SLC25A21: variants seen among roughly 807,000 people sequenced by gnomAD.
SLC25A21 encodes solute carrier family 25 member 21.
A neutral mutation model predicts 43.8 loss-of-function variants in SLC25A21; 47 were observed. That is an observed-to-expected ratio of 1.07 (90% CI 0.85 to 1.37). SLC25A21 has a LOEUF of 1.37. Ranked by LOEUF, SLC25A21 falls within the 40% of genes most tolerant of loss-of-function variation. The pLI, the probability that SLC25A21 is intolerant of heterozygous loss-of-function variation, is 0.00. For synonymous variants in SLC25A21, 131 were observed against 121.3 expected, an observed-to-expected ratio of 1.08 and a Z score of -0.52; for missense variants, 352 against 350.2, an observed-to-expected ratio of 1.00 and a Z score of -0.04.
At position 36,936,879 on chromosome 14, in the gene SLC25A21, G is replaced by A. The variant is rs372231750; in HGVS notation, c.71-61875C>T. On this transcript the variant is annotated intron_variant, in intron 1 of 9. Coordinates refer to ENST00000331299, the MANE Select transcript of SLC25A21 (RefSeq NM_030631.4). ...AATCCCCACACAGGAGGAGATCAAT[G>A]CACAATGCTGTCCCTTCACTTTGCT... Among the ~76,000 whole-genome samples, 14 of 152,276 alleles carry A rather than the reference G, an allele frequency of 9.2e-5. No individual in the cohort carries two copies. In the South Asian group the frequency reaches 2.9e-3, roughly 32 times the overall value.
chr14:37,091,771 A>C (rs1224084924), intron 1 of SLC25A21, among the ~76,000 whole-genome samples: 2 of 152,190 alleles, frequency 1.3e-5, no homozygotes, highest in Non-Finnish European at 2.9e-5. Context: ...AACTGTGTCT[A>C]CATTCATACA....
rs150250286 is a variant in SLC25A21 at position 36,814,163 on chromosome 14, T to C, written c.120-162A>G. 3.0e-3 allele frequency among the ~76,000 whole-genome samples: 458 copies of C among 152,370 alleles called. 3 individuals carry two copies. Among genetic ancestry groups the C allele is most frequent in the African/African-American group, 9.7e-3 (405 of 41,600 alleles). On this transcript the variant is annotated intron_variant, in intron 2 of 9. Coordinates refer to ENST00000331299, the MANE Select transcript of SLC25A21 (RefSeq NM_030631.4). ...TTAGCCTTATATAATCTTTACCTTA[T>C]TTTCATAGTCTTTAAAATTACATTT... is the stretch of plus-strand genomic sequence containing the variant.
intron 1 of SLC25A21, among the ~76,000 whole-genome samples, chr14:37,168,171 C>A (rs776427892): frequency 1.3e-5 from 2 of 152,008 alleles, no homozygotes; most frequent in Non-Finnish European, 2.9e-5. Context: ...AGGGTCTGAT[C>A]CAGTAACCTC....
At chr14:37,039,449 C>T (rs1471043181) in intron 1 of SLC25A21, among the ~76,000 whole-genome samples, 5 of 152,330 alleles carry the variant, frequency 3.3e-5, no homozygotes, top group Middle Eastern at 3.4e-3. Flanking sequence ...TAGGCAACCA[C>T]TGATCAGCTT....
intron 7 of SLC25A21, among the ~76,000 whole-genome samples, chr14:36,696,960 T>G (rs761295446): frequency 6.6e-6 from 1 of 152,202 alleles, no homozygotes; most frequent in Non-Finnish European, 1.5e-5. Context: ...AGCTTTCGAA[T>G]GTGTTTGCTC....
chr14:36,978,064 G>C (rs1386560875), intron 1 of SLC25A21, among the ~76,000 whole-genome samples: 2 of 151,840 alleles, frequency 1.3e-5, no homozygotes, highest in East Asian at 3.9e-4. Flanking sequence ...ATAAAATCAA[G>C]ATGTGATTAT....
intron 2 of SLC25A21, among the ~76,000 whole-genome samples, chr14:36,834,133 A>G (rs568911199): frequency 2.6e-5 from 4 of 152,340 alleles, no homozygotes; most frequent in African/African-American, 9.6e-5. Context: ...ATAGCAACCT[A>G]AGAATATAGT....
Position 37,046,534 on chromosome 14 carries a change from C to T in SLC25A21, c.70+125747G>A, listed in dbSNP as rs929512883. Among the ~76,000 whole-genome samples the T allele has an allele frequency of 5.3e-5, 8 of 151,930 alleles. 1 individual carries two copies. Among genetic ancestry groups the T allele is most frequent in the Non-Finnish European group, 1.0e-4 (7 of 67,976 alleles). On this transcript the variant is annotated intron_variant, in intron 1 of 9. Coordinates refer to ENST00000331299, the MANE Select transcript of SLC25A21 (RefSeq NM_030631.4). ...TTGATTTGGAAATTTTGTTAAATAC[C>T]ACTCCCTACGGTCATGTTGATAATA... is the stretch of plus-strand genomic sequence containing the variant.
intron 1 of SLC25A21, among the ~76,000 whole-genome samples, chr14:37,022,932 CTG>C (rs1482809834): frequency 6.6e-6 from 1 of 151,984 alleles, no homozygotes; most frequent in Non-Finnish European, 1.5e-5. Context: ...AATTATTTAA[CTG>C]AAGGAGGTTT....
At chr14:36,803,157 A>G (rs1387034424) in intron 3 of SLC25A21, among the ~76,000 whole-genome samples, 1 of 152,182 alleles carries the variant, frequency 6.6e-6, no homozygotes, top group Non-Finnish European at 1.5e-5. Context: ...GATTCTGTGG[A>G]AAAAGATAGA....
At chr14:36,919,032 G>T (rs1891905618) in intron 1 of SLC25A21, among the ~76,000 whole-genome samples, 1 of 151,898 alleles carries the variant, frequency 6.6e-6, no homozygotes, top group African/African-American at 2.4e-5. Context: ...GATCAAAACT[G>T]AGATTTCATG....
chr14:36,980,416 C>A (rs1024937633), intron 1 of SLC25A21, among the ~76,000 whole-genome samples: 7 of 152,194 alleles, frequency 4.6e-5, no homozygotes, highest in Non-Finnish European at 1.0e-4. Flanking sequence ...TACACATAGT[C>A]CCATATTTCT....
intron 1 of SLC25A21, among the ~76,000 whole-genome samples, chr14:36,986,953 T>C (rs1268705547): frequency 6.6e-6 from 1 of 152,086 alleles, no homozygotes; most frequent in Non-Finnish European, 1.5e-5. Flanking sequence ...TGTACTGATT[T>C]TTCCCTAAAT....
chr14:37,025,571 T>C (rs956467235), intron 1 of SLC25A21, among the ~76,000 whole-genome samples: 2 of 152,172 alleles, frequency 1.3e-5, no homozygotes, highest in Admixed American at 1.3e-4. Flanking sequence ...GTGAACAACT[T>C]ATATCAATTT....
At chr14:36,814,052 G>T in intron 2 of SLC25A21, 51 bp from the exon 3 acceptor site, 1 of 1,255,996 alleles carries the variant, frequency 8.0e-7, no homozygotes, top group Non-Finnish European at 1.1e-6. Flanking sequence ...TTGCCAAATG[G>T]CTTTTCTCAT....
intron 2 of SLC25A21, among the ~76,000 whole-genome samples, chr14:36,872,627 T>A (rs10872897): frequency 0.44 from 66,610 of 152,048 alleles, 16,017 homozygotes; most frequent in Non-Finnish European, 0.52. Context: ...AACATACTTA[T>A]CATTATGCAG....
At chr14:36,906,441 A>G (rs114208284) in intron 1 of SLC25A21, among the ~76,000 whole-genome samples, 163 of 152,288 alleles carry the variant, frequency 1.1e-3, no homozygotes, top group African/African-American at 3.6e-3. Context: ...TAGATGGCCA[A>G]GATGACTCTA....
chr14:36,692,479 T>C (rs989330), intron 7 of SLC25A21, among the ~76,000 whole-genome samples: 14,253 of 152,250 alleles, frequency 0.094, 1,146 homozygotes, highest in East Asian at 0.29. Context: ...AATATGTCCA[T>C]TGAAAGAGGC....
intron 1 of SLC25A21, among the ~76,000 whole-genome samples, chr14:37,004,589 C>G (rs1960556953): frequency 6.6e-6 from 1 of 152,170 alleles, no homozygotes; most frequent in South Asian, 2.1e-4. Flanking sequence ...AGGTAAACAC[C>G]TCTGAGCAAA....
Sources: allele counts gnomAD v4.1 joint callset (sites outside exome capture counted in the v4.1 genomes callset), GRCh38; gene constraint gnomAD v4.1.1; transcripts MANE v1.5; gene names NCBI Gene and HGNC (gene_info 2026-07-23, HGNC 2026-07-21).